The following NRXN3 variants were observed in gnomAD, a reference collection of about 807,000 sequenced individuals.
NRXN3 encodes neurexin 3, also known as neurexin III.
In NRXN3, 32 loss-of-function variants were observed where a neutral mutation model predicts 137.6. The ratio of observed to expected loss-of-function variants is 0.23; its 90% CI spans 0.18 to 0.31. The LOEUF (loss-of-function observed/expected upper bound fraction) is 0.31. Ranked by LOEUF, NRXN3 falls within the 10% of genes least tolerant of loss-of-function variation. The pLI is 1.00. For synonymous variants in NRXN3, 798 were observed against 784.5 expected, an observed-to-expected ratio of 1.02 and a Z score of -0.29; for missense variants, 1,574 against 2,062.5, an observed-to-expected ratio of 0.76 and a Z score of 4.59.
chr14:78,295,859 A>G (rs1281567877), intron 3 of NRXN3, among the ~76,000 whole-genome samples: 1 of 152,124 alleles, frequency 6.6e-6, no homozygotes, highest in Non-Finnish European at 1.5e-5. Flanking sequence ...CCTGTTCACT[A>G]TTTAGTAAAT....
intron 20 of NRXN3, among the ~76,000 whole-genome samples, chr14:79,818,814 A>G (rs1398988453): frequency 6.6e-6 from 1 of 152,232 alleles, no homozygotes; most frequent in African/African-American, 2.4e-5. Flanking sequence ...TAAAAAGGAA[A>G]CATAATTTTA....
intron 20 of NRXN3, among the ~76,000 whole-genome samples, chr14:79,845,047 C>CT (rs913499608): frequency 3.3e-4 from 50 of 149,626 alleles, no homozygotes; most frequent in Admixed American, 8.0e-4. Context: ...ATGAAGATGG[C>CT]TTTTTTTTTT....
At chr14:78,930,507 G>C (rs912355710) in intron 10 of NRXN3, among the ~76,000 whole-genome samples, 7 of 152,208 alleles carry the variant, frequency 4.6e-5, no homozygotes, top group Non-Finnish European at 8.8e-5. Flanking sequence ...CTCAAGTCTG[G>C]TGGGAGAGAT....
Position 78,856,232 on chromosome 14 carries a change from T to A in NRXN3, c.2275+45888T>A, listed in dbSNP as rs574082618. Among the ~76,000 whole-genome samples, 70 of 152,340 alleles carry A rather than the reference T, an allele frequency of 4.6e-4. No individual in the cohort carries two copies. The Middle Eastern group carries it at 0.02, about 44-fold the overall frequency. On this transcript the variant is annotated intron_variant, in intron 10 of 20. Transcript: ENST00000335750. Reference sequence around the variant, plus strand: ...ACTTCAATACCATTTTGGTTCAACATGTGTTTTCTTACACTGATAACAAGA... The same window carrying A: ...ACTTCAATACCATTTTGGTTCAACAAGTGTTTTCTTACACTGATAACAAGA...
At chr14:79,759,999 C>A (rs543063654) in intron 19 of NRXN3, among the ~76,000 whole-genome samples, 5 of 151,768 alleles carry the variant, frequency 3.3e-5, no homozygotes, top group Non-Finnish European at 7.4e-5. Context: ...TATTAGAACT[C>A]AGGCAAGATG....
chr14:79,350,923 T>C (rs1254612411), intron 15 of NRXN3, among the ~76,000 whole-genome samples: 4 of 152,198 alleles, frequency 2.6e-5, no homozygotes, highest in Non-Finnish European at 5.9e-5. Flanking sequence ...TTTTTATAAA[T>C]GTTGTGCTTA....
chr14:79,201,862 T>C (rs1481900568), intron 15 of NRXN3, among the ~76,000 whole-genome samples: 1 of 152,226 alleles, frequency 6.6e-6, no homozygotes, highest in Non-Finnish European at 1.5e-5. Flanking sequence ...CATATTTCTT[T>C]TAATTTTTAC....
chr14:79,434,979 G>A (rs956635809), intron 15 of NRXN3, among the ~76,000 whole-genome samples: 2 of 152,120 alleles, frequency 1.3e-5, no homozygotes, highest in Admixed American at 6.5e-5. Flanking sequence ...CAAGTTGTCC[G>A]CAGCCAGGAC....
chr14:79,658,202 CTTA>C lies in NRXN3; in HGVS notation c.3445-5573_3445-5571del, dbSNP rs764210319. Among the ~76,000 whole-genome samples the C allele has an allele frequency of 7.2e-5, 11 of 152,236 alleles. No homozygotes were observed. The South Asian group carries it at 1.7e-3, about 23-fold the overall frequency. On this transcript the variant is annotated intron_variant, in intron 16 of 20. Transcript: ENST00000335750. ...CTGGATTCTATTTTTCCATAAGTCT[CTTA>C]TTGTGTGAATTCTCTTGTAATTAAT...
At chr14:79,046,180 T>TTCCCCTCCTCTTTCCCC (rs1389121499) in intron 15 of NRXN3, among the ~76,000 whole-genome samples, 3 of 152,200 alleles carry the variant, frequency 2.0e-5, no homozygotes, top group Non-Finnish European at 4.4e-5. Context: ...GAAAGCTTCC[T>TTCCCCTCCTCTTTCCCC]TCCCCTCCTC....
rs1186817411 is a variant in NRXN3 at position 79,591,958 on chromosome 14, C to T, written c.3445-71820C>T. Reference sequence around the variant, plus strand: ...CTTACATACAATGAAAATCTCAAATCTTACATCTACTGTTCAATGAGTTTT... The same window carrying T: ...CTTACATACAATGAAAATCTCAAATTTTACATCTACTGTTCAATGAGTTTT... On this transcript the variant is annotated intron_variant, in intron 16 of 20. Transcript: ENST00000335750. Among the ~76,000 whole-genome samples the T allele has an allele frequency of 6.6e-5, 10 of 152,096 alleles. 1 individual carries two copies.
chr14:78,385,722 C>G (rs914396262), intron 4 of NRXN3, among the ~76,000 whole-genome samples: 2 of 152,194 alleles, frequency 1.3e-5, no homozygotes, highest in African/African-American at 4.8e-5. Flanking sequence ...ATTCAACTTA[C>G]ACATCTAAGA....
chr14:78,346,916 C>A (rs958840549), intron 4 of NRXN3, among the ~76,000 whole-genome samples: 6 of 152,112 alleles, frequency 3.9e-5, no homozygotes, highest in Middle Eastern at 3.2e-3. Context: ...TTTTTACGTG[C>A]AGGGAAGGAA....
At chr14:79,243,623 A>G (rs906577831) in intron 15 of NRXN3, among the ~76,000 whole-genome samples, 7 of 152,146 alleles carry the variant, frequency 4.6e-5, no homozygotes, top group Non-Finnish European at 1.5e-5. Flanking sequence ...ACACAAATCT[A>G]GACGATATAG....
At chr14:79,805,025 T>A (rs2099198486) in intron 19 of NRXN3, 87 bp from the exon 20 acceptor site, 2 of 898,266 alleles carry the variant, frequency 2.2e-6, no homozygotes, top group South Asian at 1.5e-5. Flanking sequence ...CAGTGATAAA[T>A]CTTTGATGTC....
intron 15 of NRXN3, among the ~76,000 whole-genome samples, chr14:79,348,398 CAG>C (rs1057160769): frequency 2.3e-5 from 3 of 129,394 alleles, no homozygotes; most frequent in African/African-American, 5.9e-5. Flanking sequence ...TTTTTTGAGA[CAG>C]AGTCTCGCTC....
chr14:79,094,995 T>G (rs141096033), intron 15 of NRXN3, among the ~76,000 whole-genome samples: 4,143 of 151,536 alleles, frequency 0.027, 197 homozygotes, highest in African/African-American at 0.096. Flanking sequence ...TGTGTGTGTG[T>G]GTGTGTGTGT....
At chr14:79,344,479 C>T (rs1197609920) in intron 15 of NRXN3, among the ~76,000 whole-genome samples, 1 of 152,114 alleles carries the variant, frequency 6.6e-6, no homozygotes, top group Non-Finnish European at 1.5e-5. Flanking sequence ...TTCCCTTAAT[C>T]GATTAAAGAT....
In NRXN3 at chr14:78,857,164, G is replaced by GT. The variant is rs962481889; in HGVS notation, c.2275+46830dup. On this transcript the variant is annotated intron_variant, in intron 10 of 20. Coordinates refer to ENST00000335750, the MANE Select transcript of NRXN3 (RefSeq NM_001330195.2). Reference sequence around the variant, plus strand: ...CAGATTAAGATGGCATATATGAATTGTTTTTTTTTTCTTTCTCCCAAAGGC... The same window carrying GT: ...CAGATTAAGATGGCATATATGAATTGTTTTTTTTTTTCTTTCTCCCAAAGGC... Among the ~76,000 whole-genome samples the GT allele has an allele frequency of 4.0e-3, 595 of 148,458 alleles. 4 individuals are homozygous for GT. The highest frequency in any genetic ancestry group is 0.013 in the African/African-American group (524 of 40,572).
Sources: allele counts gnomAD v4.1 joint callset (sites outside exome capture counted in the v4.1 genomes callset), GRCh38; gene constraint gnomAD v4.1.1; transcripts MANE v1.5; gene names NCBI Gene and HGNC (gene_info 2026-07-23, HGNC 2026-07-21).